Variants in BNC2 observed in about 807,000 individuals in gnomAD.
BNC2 encodes basonuclin zinc finger protein 2, also known as zinc finger protein basonuclin-2.
A neutral mutation model predicts 76.3 loss-of-function variants in BNC2; 20 were observed. That is an observed-to-expected ratio of 0.26 (90% confidence interval 0.18 to 0.38). BNC2 has a LOEUF of 0.38. BNC2 is among the 10% of genes least tolerant of loss of function. BNC2 has a pLI of 1.00. For missense variants in BNC2, 1,382 were observed against 1,399.8 expected (o/e 0.99, Z 0.20); for synonymous variants, 582 against 514.8 (o/e 1.13, Z -1.77).
At chr9:16,704,286 C>T (rs1823596878) in intron 3 of BNC2, among the ~76,000 whole-genome samples, 1 of 152,178 alleles carries the variant, frequency 6.6e-6, no homozygotes, top group Non-Finnish European at 1.5e-5. Context: ...ACAACTCCAA[C>T]AGTGAATGAG....
intron 1 of BNC2, among the ~76,000 whole-genome samples, chr9:16,805,986 G>C (rs1054870125): frequency 7.2e-5 from 11 of 152,078 alleles, no homozygotes; most frequent in African/African-American, 2.7e-4. Flanking sequence ...CAAATGATTT[G>C]CTTCCCCAAT....
At chr9:16,766,312 G>C (rs1192813736) in intron 1 of BNC2, among the ~76,000 whole-genome samples, 1 of 152,078 alleles carries the variant, frequency 6.6e-6, no homozygotes, top group Non-Finnish European at 1.5e-5. Context: ...TTGGGGGAAG[G>C]TGGGAGGGAT....
At chr9:16,813,517 A>G (rs979908654) in intron 1 of BNC2, among the ~76,000 whole-genome samples, 4 of 151,964 alleles carry the variant, frequency 2.6e-5, no homozygotes, top group Admixed American at 6.5e-5. Context: ...CGCCCACCTC[A>G]GCCTCCCAAA....
intron 1 of BNC2, among the ~76,000 whole-genome samples, chr9:16,834,897 G>T (rs933916582): frequency 6.6e-6 from 1 of 151,948 alleles, no homozygotes; most frequent in African/African-American, 2.4e-5. Context: ...TTCTACAAAG[G>T]GTAATACATC....
chr9:16,853,445 C>T (rs1819177749), intron 1 of BNC2, among the ~76,000 whole-genome samples: 1 of 150,902 alleles, frequency 6.6e-6, no homozygotes, highest in Non-Finnish European at 1.5e-5. Context: ...CTCATTTTAA[C>T]TAGTTCTTTG....
chr9:16,823,342 G>C (rs1373885108), intron 1 of BNC2, among the ~76,000 whole-genome samples: 1 of 149,764 alleles, frequency 6.7e-6, no homozygotes, highest in Non-Finnish European at 1.5e-5. Flanking sequence ...AGTGGCTCAT[G>C]TACTTTGGGA....
intron 4 of BNC2, among the ~76,000 whole-genome samples, chr9:16,579,621 G>A (rs374231713): frequency 1.3e-5 from 2 of 152,190 alleles, no homozygotes; most frequent in East Asian, 3.9e-4. Context: ...AAAGATTTTT[G>A]TAAAGTAGTT....
Position 16,566,218 on chromosome 9 carries a change from C to G in BNC2, c.434-13453G>C, listed in dbSNP as rs185329773. Among the ~76,000 whole-genome samples the G allele has an allele frequency of 1.8e-4, 28 of 152,258 alleles. 1 individual carries two copies. The East Asian group carries it at 5.4e-3, about 29-fold the overall frequency. On this transcript the variant is annotated intron_variant, in intron 4 of 6. Coordinates refer to ENST00000380672, the MANE Select transcript of BNC2 (RefSeq NM_017637.6). ...ATCTCAAGACCTTGATTTTGAGCAG[C>G]AACCATACCTGAAACAAAATCACTA... is the stretch of plus-strand genomic sequence containing the variant.
chr9:16,685,917 G>A (rs1011176266), intron 3 of BNC2, among the ~76,000 whole-genome samples: 6 of 152,126 alleles, frequency 3.9e-5, no homozygotes, highest in African/African-American at 7.2e-5. Flanking sequence ...AAATAGCCAC[G>A]GACAGGAGGA....
intron 3 of BNC2, among the ~76,000 whole-genome samples, chr9:16,648,927 T>C (rs1821715502): frequency 6.6e-6 from 1 of 152,194 alleles, no homozygotes; most frequent in African/African-American, 2.4e-5. Context: ...AAAAATATAG[T>C]TTGAGTCAAT....
At chr9:16,668,302 C>T (rs752843848) in intron 3 of BNC2, among the ~76,000 whole-genome samples, 1 of 152,180 alleles carries the variant, frequency 6.6e-6, no homozygotes, top group Non-Finnish European at 1.5e-5. Flanking sequence ...ACACTGCCAG[C>T]CCCTGGCATA....
intron 3 of BNC2, among the ~76,000 whole-genome samples, chr9:16,704,363 A>G (rs982448122): frequency 6.6e-6 from 1 of 152,188 alleles, no homozygotes; most frequent in Non-Finnish European, 1.5e-5. Flanking sequence ...TATAACTGAG[A>G]CAAATGCAAA....
intron 3 of BNC2, among the ~76,000 whole-genome samples, chr9:16,671,360 GA>G (rs1242996135): frequency 6.6e-6 from 1 of 152,190 alleles, no homozygotes; most frequent in East Asian, 1.9e-4. Flanking sequence ...AAAAGGAAAG[GA>G]TAAGTGGTAA....
intron 1 of BNC2, among the ~76,000 whole-genome samples, chr9:16,788,531 C>T (rs989470259): frequency 6.4e-5 from 9 of 139,890 alleles, no homozygotes; most frequent in Non-Finnish European, 1.4e-4. Context: ...CCACCCTGGG[C>T]GACAGAGCAA....
At chr9:16,578,754 TTTG>T (rs1347771187) in intron 4 of BNC2, among the ~76,000 whole-genome samples, 5 of 152,134 alleles carry the variant, frequency 3.3e-5, no homozygotes, top group African/African-American at 1.2e-4. Context: ...CTAAAAAACT[TTTG>T]TTGTTATTGT....
At chr9:16,685,214 T>C (rs1488222031) in intron 3 of BNC2, among the ~76,000 whole-genome samples, 1 of 152,196 alleles carries the variant, frequency 6.6e-6, no homozygotes, top group Admixed American at 6.5e-5. Flanking sequence ...TAAATCTCCA[T>C]CTTACAGATG....
At chr9:16,763,704 G>A (rs1825616045) in intron 1 of BNC2, among the ~76,000 whole-genome samples, 1 of 152,170 alleles carries the variant, frequency 6.6e-6, no homozygotes, top group African/African-American at 2.4e-5. Context: ...GGCTAGTGGT[G>A]AGTGGCAGAA....
intron 3 of BNC2, among the ~76,000 whole-genome samples, chr9:16,706,688 T>A (rs2134662526): frequency 6.6e-6 from 1 of 152,278 alleles, no homozygotes; most frequent in Admixed American, 6.5e-5. Flanking sequence ...TAAACAGACA[T>A]TATCATGCCT....
At chr9:16,744,711 G>A (rs886777570) in intron 1 of BNC2, among the ~76,000 whole-genome samples, 2 of 152,132 alleles carry the variant, frequency 1.3e-5, no homozygotes, top group East Asian at 3.9e-4. Flanking sequence ...AGACAACGTT[G>A]GCCCCAAAGC....
Sources: allele counts gnomAD v4.1 joint callset (sites outside exome capture counted in the v4.1 genomes callset), GRCh38; gene constraint gnomAD v4.1.1; transcripts MANE v1.5; gene names NCBI Gene and HGNC (gene_info 2026-07-23, HGNC 2026-07-21).